The following TENM3 variants were observed in gnomAD, a reference collection of about 807,000 sequenced individuals.
The protein encoded by TENM3 is teneurin-3.
In TENM3, 63 loss-of-function variants were observed where a neutral mutation model predicts 255.1. That is an observed-to-expected ratio of 0.25 (90% CI 0.20 to 0.30). TENM3 has a LOEUF of 0.30. Among genes scored for constraint, TENM3 ranks in the 10% least tolerant of loss-of-function variants. The pLI is 1.00. For missense variants in TENM3, 2,929 were observed against 3,461.1 expected (o/e 0.85, Z 3.86); for synonymous variants, 1,306 against 1,322.3 (o/e 0.99, Z 0.27).
the TENM3 span, among the ~76,000 whole-genome samples, chr4:181,968,142 A>G: frequency 6.6e-6 from 1 of 152,132 alleles, no homozygotes; most frequent in Non-Finnish European, 1.5e-5. Context: ...GATGGATGGA[A>G]GATATTCAGC....
chr4:182,307,248 A>C (rs371962820), intron 1 of TENM3, among the ~76,000 whole-genome samples: 1 of 152,206 alleles, frequency 6.6e-6, no homozygotes, highest in Non-Finnish European at 1.5e-5. Flanking sequence ...TTGGTGACCC[A>C]CAGGAAATTG....
At chr4:181,795,894 A>G in the TENM3 span, among the ~76,000 whole-genome samples, 1 of 152,186 alleles carries the variant, frequency 6.6e-6, no homozygotes, top group African/African-American at 2.4e-5. Flanking sequence ...TGTCTCTGGT[A>G]CCTAGGCAGA....
the TENM3 span, among the ~76,000 whole-genome samples, chr4:181,872,673 T>C: frequency 5.9e-5 from 9 of 152,236 alleles, no homozygotes; most frequent in African/African-American, 1.9e-4. Flanking sequence ...ATATTGATTA[T>C]TTTTGTTTTC....
chr4:182,265,916 A>G (rs143799157), intron 1 of TENM3, among the ~76,000 whole-genome samples: 1 of 152,388 alleles, frequency 6.6e-6, no homozygotes, highest in African/African-American at 2.4e-5. Context: ...AGTCTAAATT[A>G]TGCAAGTCAA....
chr4:182,359,556 G>A (rs1196259600), intron 3 of TENM3, among the ~76,000 whole-genome samples: 8 of 149,520 alleles, frequency 5.4e-5, no homozygotes, highest in South Asian at 4.4e-4. Flanking sequence ...CTGTGGGATC[G>A]GTGGTGATAT....
chr4:182,329,170 T>C (rs1417320322), intron 2 of TENM3, among the ~76,000 whole-genome samples: 2 of 152,154 alleles, frequency 1.3e-5, no homozygotes, highest in Non-Finnish European at 2.9e-5. Context: ...ACACATGACA[T>C]CTGCAACTCT....
At chr4:181,889,171 C>T in the TENM3 span, among the ~76,000 whole-genome samples, 2 of 152,064 alleles carry the variant, frequency 1.3e-5, no homozygotes, top group African/African-American at 4.8e-5. Flanking sequence ...AGGTGGGGCC[C>T]GGTGGGGGGG....
At chr4:182,261,710 C>G (rs1446718774) in intron 1 of TENM3, among the ~76,000 whole-genome samples, 1 of 152,232 alleles carries the variant, frequency 6.6e-6, no homozygotes, top group African/African-American at 2.4e-5. Context: ...CCTACCAAGA[C>G]CACTTTGCTG....
In TENM3 at chr4:182,775,035, C is replaced by T. The variant is rs376384734; in HGVS notation, c.5186C>T (p.Pro1729Leu). 5 of 1,613,950 alleles carry T rather than the reference C, an allele frequency of 3.1e-6. No individual in the cohort carries two copies. The highest frequency in any genetic ancestry group is 1.1e-5 in the South Asian group (1 of 91,084). The change falls in exon 24 of 28, where the codon CCG becomes CTG. Residue 1729 changes from proline to leucine, a missense_variant. Coordinates refer to ENST00000511685, the MANE Select transcript of TENM3 (RefSeq NM_001080477.4). ...CACGTTCTGGCTGGCACCGCTAATCCGACGGTTGCCAAAAGAAACATGACT... is the reference window on the plus strand; with the variant it reads ...CACGTTCTGGCTGGCACCGCTAATCTGACGGTTGCCAAAAGAAACATGACT... The part of the protein sequence containing the change: ...EPHVLAGTAN[P>L]TVAKRNMTLP...
chr4:182,301,362 A>G (rs771729856), intron 1 of TENM3, among the ~76,000 whole-genome samples: 5 of 152,192 alleles, frequency 3.3e-5, no homozygotes, highest in Non-Finnish European at 5.9e-5. Flanking sequence ...ATTGATACAA[A>G]TAATATATTT....
intron 16 of TENM3, among the ~76,000 whole-genome samples, chr4:182,733,874 AGT>A (rs1760966577): frequency 6.6e-6 from 1 of 152,218 alleles, no homozygotes; most frequent in African/African-American, 2.4e-5. Context: ...ACCTAGAGTC[AGT>A]ATCTGTCTGT....
At chr4:182,520,590 T>C (rs1209871392) in intron 3 of TENM3, among the ~76,000 whole-genome samples, 1 of 152,206 alleles carries the variant, frequency 6.6e-6, no homozygotes, top group East Asian at 1.9e-4. Flanking sequence ...AAATTATTCC[T>C]GCTAAGTGTA....
the TENM3 span, among the ~76,000 whole-genome samples, chr4:181,836,973 A>G: frequency 8.3e-6 from 1 of 119,862 alleles, no homozygotes; most frequent in African/African-American, 2.6e-5. Context: ...TCTTGCTCAC[A>G]TTTTATTATT....
the TENM3 span, among the ~76,000 whole-genome samples, chr4:182,105,674 C>T: frequency 6.6e-6 from 1 of 152,220 alleles, no homozygotes; most frequent in African/African-American, 2.4e-5. Flanking sequence ...TGACAGTCTA[C>T]ATAGAGCGTT....
the TENM3 span, among the ~76,000 whole-genome samples, chr4:181,979,097 CATATATATATATAT>C: frequency 0.03 from 901 of 30,268 alleles, 16 homozygotes; most frequent in Non-Finnish European, 0.038. Context: ...TTAAGCCTGA[CATATATATATATAT>C]ATATATATAT....
the TENM3 span, among the ~76,000 whole-genome samples, chr4:181,770,169 C>T: frequency 6.6e-6 from 1 of 151,914 alleles, no homozygotes; most frequent in Non-Finnish European, 1.5e-5. Context: ...GCAGAAAAGG[C>T]ATTTGAGGAA....
chr4:182,238,256 A>G (rs1011282692), intron 1 of TENM3, among the ~76,000 whole-genome samples: 1 of 152,182 alleles, frequency 6.6e-6, no homozygotes, highest in Non-Finnish European at 1.5e-5. Context: ...GTCTATCAAA[A>G]TGACTTCCCA....
intron 4 of TENM3, among the ~76,000 whole-genome samples, chr4:182,603,019 T>G (rs1748051391): frequency 6.6e-6 from 1 of 152,198 alleles, no homozygotes. Flanking sequence ...GAGTTAGCAT[T>G]CCGTGAAACC....
Position 182,346,896 on chromosome 4 carries a change from A to T in TENM3, c.478A>T (p.Thr160Ser), listed in dbSNP as rs1764855166. Residue 160 changes from threonine (T) to serine (S), a missense_variant, in exon 3 of 28, where the codon ACG (threonine) becomes TCG (serine). Thr to Ser is a moderately conservative substitution (Grantham distance 58). This residue lies in a region of TENM3 where 283 missense variants were observed against 256.9 expected (regional missense o/e 1.10). Transcript: ENST00000511685. ...RSNSALTLTD[T>S]EHENKSDSEN... is the part of the protein sequence containing the mutation. Reference sequence around the variant, plus strand: ...CAACTCAGCCCTCACCCTGACAGATACGGAGCACGAAAACAAGTCCGACAG... The same window carrying T: ...CAACTCAGCCCTCACCCTGACAGATTCGGAGCACGAAAACAAGTCCGACAG... 1 of 1,611,812 alleles carries T rather than the reference A, an allele frequency of 6.2e-7. No homozygotes were observed. Among genetic ancestry groups the T allele is most frequent in the Non-Finnish European group, 8.5e-7 (1 of 1,178,746 alleles).
Sources: allele counts gnomAD v4.1 joint callset (sites outside exome capture counted in the v4.1 genomes callset), GRCh38; gene constraint gnomAD v4.1.1; regional missense constraint gnomAD v4.1.1; transcripts MANE v1.5; gene names NCBI Gene and HGNC (gene_info 2026-07-23, HGNC 2026-07-21).